The following SUGCT variants were observed in gnomAD, a reference collection of about 807,000 sequenced individuals.
The protein encoded by SUGCT is succinyl-CoA:glutarate CoA-transferase.
Under a neutral mutation model 55.0 loss-of-function variants are expected in SUGCT, and 41 were observed. The ratio of observed to expected loss-of-function variants is 0.74; its 90% CI spans 0.58 to 0.97. The LOEUF (loss-of-function observed/expected upper bound fraction) is 0.97. Ranked by LOEUF, SUGCT falls within the 50% of genes least tolerant of loss-of-function variation. SUGCT has a pLI of 0.00. For missense variants in SUGCT, 568 were observed against 547.8 expected, an observed-to-expected ratio of 1.04 and a Z score of -0.37; for synonymous variants, 187 against 200.4, an observed-to-expected ratio of 0.93 and a Z score of 0.56.
chr7:40,540,166 AAT>A (rs1322547874), intron 12 of SUGCT, among the ~76,000 whole-genome samples: 1 of 150,656 alleles, frequency 6.6e-6, no homozygotes, highest in African/African-American at 2.4e-5. Flanking sequence ...ATGTCTTTTC[AAT>A]ACTTATTTTA....
intron 6 of SUGCT, among the ~76,000 whole-genome samples, chr7:40,220,873 C>T (rs1432326523): frequency 1.3e-5 from 2 of 152,120 alleles, no homozygotes; most frequent in African/African-American, 4.8e-5. Context: ...GTAAATTTAT[C>T]TTACTATTAG....
intron 5 of SUGCT, among the ~76,000 whole-genome samples, chr7:40,191,221 T>G (rs546535418): frequency 1.3e-5 from 2 of 152,252 alleles, no homozygotes; most frequent in South Asian, 4.2e-4. Context: ...TTCACCATAT[T>G]GGTCAGTCTA....
chr7:40,919,855 T>C, the SUGCT span, among the ~76,000 whole-genome samples: 53 of 152,322 alleles, frequency 3.5e-4, no homozygotes, highest in African/African-American at 1.2e-3. Context: ...TTTCACAGCC[T>C]GACTCCTCCT....
At chr7:40,917,457 G>A in the SUGCT span, among the ~76,000 whole-genome samples, 1 of 152,076 alleles carries the variant, frequency 6.6e-6, no homozygotes, top group Non-Finnish European at 1.5e-5. Context: ...AGAGGTCAAG[G>A]TCTCTGGGAT....
At chr7:40,410,484 A>G (rs1786611864) in intron 9 of SUGCT, among the ~76,000 whole-genome samples, 1 of 152,042 alleles carries the variant, frequency 6.6e-6, no homozygotes, top group Non-Finnish European at 1.5e-5. Context: ...TTTAACTCAT[A>G]TATCTTTTCT....
chr7:40,328,916 G>C (rs1197939787), intron 9 of SUGCT, among the ~76,000 whole-genome samples: 1 of 152,136 alleles, frequency 6.6e-6, no homozygotes, highest in African/African-American at 2.4e-5. Context: ...TTTGGGTGAG[G>C]CCTGGCATAG....
chr7:40,525,545 T>C (rs893467505), intron 12 of SUGCT, among the ~76,000 whole-genome samples: 1 of 151,854 alleles, frequency 6.6e-6, no homozygotes, highest in Admixed American at 6.6e-5. Context: ...GGGCCTGAGA[T>C]AGTGTGAAGG....
chr7:40,350,749 G>A (rs1467584296), intron 9 of SUGCT, among the ~76,000 whole-genome samples: 6 of 151,902 alleles, frequency 3.9e-5, no homozygotes, highest in African/African-American at 9.7e-5. Flanking sequence ...CCATCAACCC[G>A]TCATCTACAT....
At chr7:40,927,828 G>C in the SUGCT span, among the ~76,000 whole-genome samples, 1 of 152,208 alleles carries the variant, frequency 6.6e-6, no homozygotes, top group South Asian at 2.1e-4. Context: ...CATTGCCTGA[G>C]CTCGTATGTT....
intron 9 of SUGCT, among the ~76,000 whole-genome samples, chr7:40,325,013 T>G (rs1399364503): frequency 6.6e-6 from 1 of 152,152 alleles, no homozygotes; most frequent in Admixed American, 6.5e-5. Flanking sequence ...AACCAAGGAG[T>G]AGAGCAGGAA....
the SUGCT span, among the ~76,000 whole-genome samples, chr7:40,991,459 G>T: frequency 6.6e-6 from 1 of 152,160 alleles, no homozygotes; most frequent in Non-Finnish European, 1.5e-5. Context: ...CGAAGTGAGT[G>T]CAGGCTGTTG....
chr7:40,891,860 C>T, the SUGCT span, among the ~76,000 whole-genome samples: 2 of 151,812 alleles, frequency 1.3e-5, no homozygotes, highest in East Asian at 3.9e-4. Context: ...ATACAAAAAT[C>T]AGCTGGGTGT....
chr7:40,328,440 A>G (rs1796122432), intron 9 of SUGCT, among the ~76,000 whole-genome samples: 4 of 152,082 alleles, frequency 2.6e-5, no homozygotes, highest in Non-Finnish European at 5.9e-5. Flanking sequence ...TTCAACCTGT[A>G]TTTCTGGAGT....
the SUGCT span, among the ~76,000 whole-genome samples, chr7:40,972,037 G>GTA: frequency 6.6e-6 from 1 of 150,908 alleles, no homozygotes; most frequent in Non-Finnish European, 1.5e-5. Context: ...TTCTTTTTTG[G>GTA]TATGGAACCA....
At chr7:40,273,544 A>G (rs1342693151) in intron 7 of SUGCT, among the ~76,000 whole-genome samples, 1 of 152,180 alleles carries the variant, frequency 6.6e-6, no homozygotes, top group African/African-American at 2.4e-5. Flanking sequence ...TTGATAGGTG[A>G]TTTTTATTTT....
Position 40,531,288 on chromosome 7 carries a change from G to C in SUGCT, c.1089+34902G>C, listed in dbSNP as rs957226526. On this transcript the variant is annotated intron_variant, in intron 12 of 13. Transcript: ENST00000335693. ...AGCTCTGTAAAGTAACTAGTGTTAT[G>C]CTTATTTTACCCATGAGGAAACAGC... 2.0e-5 allele frequency among the ~76,000 whole-genome samples: 3 copies of C among 152,252 alleles called. No individual in the cohort carries two copies. The South Asian group carries it at 6.2e-4, about 32-fold the overall frequency.
At chr7:40,926,591 T>C in the SUGCT span, among the ~76,000 whole-genome samples, 20 of 152,274 alleles carry the variant, frequency 1.3e-4, no homozygotes, top group East Asian at 3.7e-3. Flanking sequence ...TATTTGGAGA[T>C]GGGGTCATGA....
chr7:41,037,245 G>A, the SUGCT span, among the ~76,000 whole-genome samples: 77 of 152,028 alleles, frequency 5.1e-4, 1 homozygote, highest in East Asian at 0.01. Flanking sequence ...CTCTGAAGCC[G>A]AATCATTTCC....
chr7:40,729,136 T>C (rs189121465), intron 12 of SUGCT, among the ~76,000 whole-genome samples: 1 of 152,366 alleles, frequency 6.6e-6, no homozygotes, highest in East Asian at 1.9e-4. Flanking sequence ...AATTCTAGTC[T>C]GTGATACCTA....
Sources: gnomAD v4.1 joint callset for allele counts (sites outside exome capture counted in the v4.1 genomes callset) on GRCh38, gnomAD v4.1.1 for gene constraint, MANE v1.5 for transcripts, NCBI Gene and HGNC (gene_info 2026-07-23, HGNC 2026-07-21) for gene names.